SYT17: variants seen among roughly 807,000 people sequenced by gnomAD.
SYT17 encodes synaptotagmin 17.
A neutral mutation model predicts 46.7 loss-of-function variants in SYT17; 22 were observed. The observed-to-expected ratio is 0.47, with a 90% CI of 0.34 to 0.67. SYT17 has a LOEUF of 0.67. Among genes scored for constraint, SYT17 ranks in the 30% least tolerant of loss-of-function variants. The probability of loss-of-function intolerance (pLI) is 0.01; values close to 1 mark genes in which losing one functional copy is unlikely to be tolerated. For synonymous variants in SYT17, 251 were observed against 248.4 expected, an observed-to-expected ratio of 1.01 and a Z score of -0.10; for missense variants, 519 against 612.8, an observed-to-expected ratio of 0.85 and a Z score of 1.62.
Position 19,250,359 on chromosome 16 carries a change from T to TTGTGTGTGTGTGTGTGTGTGTG in SYT17, c.1229-16497_1229-16476dup, listed in dbSNP as rs55818940. Among the ~76,000 whole-genome samples the TTGTGTGTGTGTGTGTGTGTGTG allele has an allele frequency of 4.5e-4, 59 of 132,564 alleles. 2 individuals carry two copies. Among genetic ancestry groups the TTGTGTGTGTGTGTGTGTGTGTG allele is most frequent in the South Asian group, 2.2e-3 (8 of 3,624 alleles). 87.0% of individuals were successfully genotyped at this position (132,564 alleles called of 152,430 possible). A position where few individuals can be genotyped will look rare whatever the true frequency, so the allele number is the denominator to read the frequency against. ...TTTCAAAAAGATGTCTCAAACATGT[T>TTGTGTGTGTGTGTGTGTGTGTG]TGTGTGTGTGTGTGTGTGTGTGTGT... On this transcript the variant is annotated intron_variant, in intron 7 of 7. Transcript: ENST00000355377.
At chr16:19,256,528 G>A (rs1169212284) in intron 7 of SYT17, among the ~76,000 whole-genome samples, 2 of 148,870 alleles carry the variant, frequency 1.3e-5, no homozygotes, top group East Asian at 4.0e-4. Context: ...CACAGGAGAG[G>A]GTCAAGGGAA....
chr16:19,175,331 A>C (rs1453141420), intron 3 of SYT17, among the ~76,000 whole-genome samples: 1 of 151,864 alleles, frequency 6.6e-6, no homozygotes, highest in Non-Finnish European at 1.5e-5. Context: ...TAGAGTTGAG[A>C]TTTTTGGTGA....
At chr16:19,218,708 C>G (rs759826312) in intron 5 of SYT17, among the ~76,000 whole-genome samples, 1 of 152,194 alleles carries the variant, frequency 6.6e-6, no homozygotes, top group African/African-American at 2.4e-5. Context: ...CCACCTCCTT[C>G]CAGTTCTGTG....
chr16:19,258,900 T>C (rs1376785346), intron 7 of SYT17, among the ~76,000 whole-genome samples: 1 of 152,218 alleles, frequency 6.6e-6, no homozygotes, highest in African/African-American at 2.4e-5. Flanking sequence ...CTTAATAAAC[T>C]GATCTTTATC....
chr16:19,170,547 G>C (rs1384175545), intron 1 of SYT17: 2 of 152,060 alleles, frequency 1.3e-5, no homozygotes, highest in African/African-American at 4.8e-5. Context: ...GGGAATGTCA[G>C]GGCACCCTCT....
intron 7 of SYT17, among the ~76,000 whole-genome samples, chr16:19,246,181 G>A (rs981513843): frequency 2.6e-5 from 4 of 151,888 alleles, no homozygotes; most frequent in East Asian, 1.9e-4. Context: ...TAGTAGAATC[G>A]GGGTTTCACC....
At chr16:19,173,104 T>C in intron 2 of SYT17, 1 of 555,228 alleles carries the variant, frequency 1.8e-6, no homozygotes, top group South Asian at 2.5e-5. Context: ...ACATATCGTA[T>C]AGCCCTTATG....
intron 7 of SYT17, among the ~76,000 whole-genome samples, chr16:19,255,087 G>A (rs951441996): frequency 6.6e-6 from 1 of 152,136 alleles, no homozygotes; most frequent in African/African-American, 2.4e-5. Flanking sequence ...CTCTAAATTT[G>A]TTTTCTGTGC....
At chr16:19,175,770 T>A (rs1964291935) in intron 3 of SYT17, among the ~76,000 whole-genome samples, 1 of 152,158 alleles carries the variant, frequency 6.6e-6, no homozygotes. Flanking sequence ...GAGTTTTGCC[T>A]GCCTTGTTCA....
chr16:19,223,265 T>A, intron 6 of SYT17, 100 bp downstream of exon 6: 1 of 1,441,342 alleles, frequency 6.9e-7, no homozygotes, highest in Non-Finnish European at 9.5e-7. Flanking sequence ...TGAGCATTAC[T>A]CATCTCAGGA....
chr16:19,262,279 G>A (rs1969033447), intron 7 of SYT17, among the ~76,000 whole-genome samples: 1 of 152,172 alleles, frequency 6.6e-6, no homozygotes, highest in Admixed American at 6.5e-5. Context: ...CCTCATGAAT[G>A]GGGTTGGTGC....
Position 19,178,243 on chromosome 16 carries a change from C to T in SYT17, c.183-2148C>T, listed in dbSNP as rs569989248. ...GACTACAGGCGTCCGCCACCACGCCCGGCTAATTTTTTGTATTTTTTTTAG... is the reference window on the plus strand; with the variant it reads ...GACTACAGGCGTCCGCCACCACGCCTGGCTAATTTTTTGTATTTTTTTTAG... On this transcript the variant is annotated intron_variant, in intron 3 of 7. Transcript: ENST00000355377. 2.9e-4 allele frequency among the ~76,000 whole-genome samples: 39 copies of T among 132,328 alleles called. No homozygotes were observed. In the South Asian group the frequency reaches 3.4e-3, roughly 12 times the overall value. 86.8% of individuals were successfully genotyped at this position (132,328 alleles called of 152,430 possible). A position where few individuals can be genotyped will look rare whatever the true frequency, so the allele number is the denominator to read the frequency against.
chr16:19,179,056 C>T (rs953735383), intron 3 of SYT17, among the ~76,000 whole-genome samples: 3 of 146,818 alleles, frequency 2.0e-5, no homozygotes, highest in African/African-American at 2.5e-5. Context: ...ATGAATTGAT[C>T]GATCAATCAA....
At chr16:19,208,364 C>T (rs191716866) in intron 5 of SYT17, among the ~76,000 whole-genome samples, 1 of 152,180 alleles carries the variant, frequency 6.6e-6, no homozygotes, top group East Asian at 1.9e-4. Context: ...AAAGAGGTTC[C>T]GTTGACTCAC....
At chr16:19,251,579 G>A (rs1968071981) in intron 7 of SYT17, among the ~76,000 whole-genome samples, 1 of 152,156 alleles carries the variant, frequency 6.6e-6, no homozygotes, top group African/African-American at 2.4e-5. Flanking sequence ...AACCTTGTCA[G>A]TGGGGGCAGG....
chr16:19,212,650 G>C (rs1307579524), intron 5 of SYT17, among the ~76,000 whole-genome samples: 1 of 152,088 alleles, frequency 6.6e-6, no homozygotes, highest in African/African-American at 2.4e-5. Context: ...AAATAAACGG[G>C]GAAGTGAGGT....
intron 5 of SYT17, among the ~76,000 whole-genome samples, chr16:19,208,757 T>C (rs1273083328): frequency 6.6e-6 from 1 of 152,120 alleles, no homozygotes; most frequent in East Asian, 1.9e-4. Context: ...TGCCTTCATC[T>C]TCACGTGGTA....
At chr16:19,173,051 C>T in intron 2 of SYT17, 1 of 574,166 alleles carries the variant, frequency 1.7e-6, no homozygotes, top group Non-Finnish European at 3.0e-6. Context: ...AATATTTTTT[C>T]CCCTGCTTTC....
intron 5 of SYT17, among the ~76,000 whole-genome samples, chr16:19,218,726 C>T (rs367566470): frequency 4.9e-4 from 74 of 152,300 alleles, no homozygotes; most frequent in African/African-American, 1.7e-3. Context: ...GTGAAGACTG[C>T]CAGGATTGGG....
Sources: allele counts gnomAD v4.1 joint callset (sites outside exome capture counted in the v4.1 genomes callset), GRCh38; gene constraint gnomAD v4.1.1; transcripts MANE v1.5; gene names NCBI Gene and HGNC (gene_info 2026-07-23, HGNC 2026-07-21).